The following CDH13 variants were observed in gnomAD, a reference collection of about 807,000 sequenced individuals.
The protein encoded by CDH13 is cadherin-13.
In CDH13, 24 loss-of-function variants were observed where a neutral mutation model predicts 63.8. The ratio of observed to expected loss-of-function variants is 0.38; its 90% confidence interval spans 0.27 to 0.53. The LOEUF (loss-of-function observed/expected upper bound fraction) is 0.53, where lower values mean the gene tolerates loss of function less well. Among genes scored for constraint, CDH13 ranks in the 20% least tolerant of loss-of-function variants. The pLI, the probability that CDH13 is intolerant of heterozygous loss-of-function variation, is 0.85. For missense variants in CDH13, 1,049 were observed against 903.1 expected, an observed-to-expected ratio of 1.16 and a Z score of -2.07; for synonymous variants, 503 against 355.3, an observed-to-expected ratio of 1.42 and a Z score of -4.67.
intron 6 of CDH13, among the ~76,000 whole-genome samples, chr16:83,467,717 C>T (rs563746568): frequency 2.0e-5 from 3 of 152,142 alleles, no homozygotes; most frequent in Non-Finnish European, 4.4e-5. Flanking sequence ...AGAACACAGC[C>T]CCCAAGCAGA....
chr16:83,061,182 T>C (rs1048097343), intron 3 of CDH13, among the ~76,000 whole-genome samples: 1 of 152,214 alleles, frequency 6.6e-6, no homozygotes, highest in African/African-American at 2.4e-5. Context: ...GGGCCCAGGT[T>C]TCCAGGATCC....
At chr16:83,408,147 A>G (rs1196032001) in intron 6 of CDH13, among the ~76,000 whole-genome samples, 1 of 152,218 alleles carries the variant, frequency 6.6e-6, no homozygotes, top group African/African-American at 2.4e-5. Context: ...TGACACATGG[A>G]TGATGATCTT....
At chr16:83,190,789 C>G (rs2038673565) in intron 4 of CDH13, among the ~76,000 whole-genome samples, 1 of 152,196 alleles carries the variant, frequency 6.6e-6, no homozygotes, top group Non-Finnish European at 1.5e-5. Context: ...ATTTTTCTCA[C>G]TGTGGTGACA....
intron 7 of CDH13, among the ~76,000 whole-genome samples, chr16:83,572,800 T>G (rs1409820779): frequency 6.6e-6 from 1 of 152,242 alleles, no homozygotes; most frequent in South Asian, 2.1e-4. Flanking sequence ...CCTATAAATT[T>G]CAGTAATCAT....
At chr16:83,327,999 G>C (rs1290671940) in intron 5 of CDH13, among the ~76,000 whole-genome samples, 1 of 152,070 alleles carries the variant, frequency 6.6e-6, no homozygotes, top group African/African-American at 2.4e-5. Context: ...AGGGTGTGGT[G>C]GTGGGTGCCT....
chr16:83,115,816 T>G (rs1330395399), intron 3 of CDH13, among the ~76,000 whole-genome samples: 1 of 152,164 alleles, frequency 6.6e-6, no homozygotes, highest in African/African-American at 2.4e-5. Flanking sequence ...GTTTATGAGG[T>G]TTTCACTATT....
intron 5 of CDH13, among the ~76,000 whole-genome samples, chr16:83,230,617 T>C (rs1007893340): frequency 2.0e-5 from 3 of 152,108 alleles, no homozygotes; most frequent in African/African-American, 7.2e-5. Flanking sequence ...CAAAACCCCA[T>C]CTCTACTAAA....
At chr16:83,159,481 G>T (rs1311460093) in intron 4 of CDH13, among the ~76,000 whole-genome samples, 2 of 152,162 alleles carry the variant, frequency 1.3e-5, no homozygotes, top group African/African-American at 2.4e-5. Context: ...CTGAGCTAAA[G>T]TCTCTATGGG....
chr16:83,104,679 C>G (rs1384781823), intron 3 of CDH13, among the ~76,000 whole-genome samples: 2 of 152,082 alleles, frequency 1.3e-5, no homozygotes, highest in African/African-American at 2.4e-5. Context: ...AATAACTCCC[C>G]AAGCCGAATA....
At chr16:82,743,019 T>C (rs1045460624) in intron 1 of CDH13, among the ~76,000 whole-genome samples, 1 of 152,246 alleles carries the variant, frequency 6.6e-6, no homozygotes, top group Non-Finnish European at 1.5e-5. Context: ...AAATAATTTT[T>C]ATTATAAAAT....
intron 6 of CDH13, chr16:83,383,198 G>A (rs74034046): frequency 0.12 from 18,043 of 152,102 alleles, 1,179 homozygotes; most frequent in Non-Finnish European, 0.13. Context: ...CAGGTCATAC[G>A]TTCTGGGGAG....
At chr16:83,159,621 C>T (rs901905324) in intron 4 of CDH13, among the ~76,000 whole-genome samples, 5 of 152,084 alleles carry the variant, frequency 3.3e-5, no homozygotes, top group East Asian at 1.9e-4. Flanking sequence ...AAAGAAGAAA[C>T]GATATTTCCA....
chr16:83,671,019 G>C (rs1567503228), intron 9 of CDH13, 47 bp downstream of exon 9: 1 of 1,449,728 alleles, frequency 6.9e-7, no homozygotes, highest in Non-Finnish European at 9.3e-7. Flanking sequence ...GAGCACGGAG[G>C]GCCCCATGAG....
Position 83,362,610 on chromosome 16 carries a change from A to G in CDH13, c.781+17604A>G, listed in dbSNP as rs560637739. Among the ~76,000 whole-genome samples, 7 of 152,316 alleles carry G rather than the reference A, an allele frequency of 4.6e-5. No individual in the cohort carries two copies. The South Asian group carries it at 1.5e-3, about 32-fold the overall frequency. ...GTCTCCATGTTTCATGTGAGGACAC[A>G]GAAGCTCAGAAAGGTCAACACCCAT... On this transcript the variant is annotated intron_variant, in intron 6 of 13. Coordinates refer to ENST00000567109, the MANE Select transcript of CDH13 (RefSeq NM_001257.5).
At chr16:83,417,547 G>A (rs927409489) in intron 6 of CDH13, among the ~76,000 whole-genome samples, 13 of 152,108 alleles carry the variant, frequency 8.5e-5, no homozygotes, top group Admixed American at 7.9e-4. Flanking sequence ...GTTGCCATTT[G>A]GAAACGAAAA....
intron 3 of CDH13, among the ~76,000 whole-genome samples, chr16:83,089,634 G>A (rs2033796116): frequency 6.6e-6 from 1 of 152,216 alleles, no homozygotes; most frequent in African/African-American, 2.4e-5. Flanking sequence ...TGCCTTTAGG[G>A]AGCACTCTTG....
intron 2 of CDH13, among the ~76,000 whole-genome samples, chr16:82,982,101 C>T: frequency 6.6e-6 from 1 of 152,238 alleles, no homozygotes; most frequent in Non-Finnish European, 1.5e-5. Context: ...AGTGTATGAT[C>T]TTAGGCAATT....
intron 2 of CDH13, among the ~76,000 whole-genome samples, chr16:82,936,167 T>A (rs1365379346): frequency 6.6e-6 from 1 of 152,166 alleles, no homozygotes; most frequent in East Asian, 1.9e-4. Context: ...AGTCCTTAGT[T>A]CCTGCCAGCA....
intron 2 of CDH13, among the ~76,000 whole-genome samples, chr16:82,899,524 T>A (rs2041386882): frequency 6.6e-6 from 1 of 152,176 alleles, no homozygotes; most frequent in Non-Finnish European, 1.5e-5. Context: ...TATTTTATTA[T>A]CTAGTACAAG....
Sources: allele counts gnomAD v4.1 joint callset (sites outside exome capture counted in the v4.1 genomes callset), GRCh38; gene constraint gnomAD v4.1.1; transcripts MANE v1.5; gene names NCBI Gene and HGNC (gene_info 2026-07-23, HGNC 2026-07-21).